The following ATF2 variants were observed in gnomAD, a reference collection of about 807,000 sequenced individuals.
The protein encoded by ATF2 is activating transcription factor 2.
ATF2 carries 24 observed loss-of-function variants against 60.6 expected under a neutral mutation model. The observed-to-expected ratio is 0.40, with a 90% CI of 0.29 to 0.56. The LOEUF (loss-of-function observed/expected upper bound fraction) is 0.56, where lower values mean the gene tolerates loss of function less well. Ranked by LOEUF, ATF2 falls within the 20% of genes least tolerant of loss-of-function variation. ATF2 has a pLI of 0.54. For synonymous variants in ATF2, 206 were observed against 215.4 expected (o/e 0.96, Z 0.38); for missense variants, 433 against 607.7 (o/e 0.71, Z 3.02).
intron 7 of ATF2, among the ~76,000 whole-genome samples, chr2:175,117,633 A>G (rs1559083137): frequency 6.6e-6 from 1 of 151,928 alleles, no homozygotes; most frequent in Non-Finnish European, 1.5e-5. Flanking sequence ...GTAAAAGTCT[A>G]AAAAACCACT....
At chr2:175,138,405 C>T (rs1005165940) in intron 2 of ATF2, among the ~76,000 whole-genome samples, 1 of 152,174 alleles carries the variant, frequency 6.6e-6, no homozygotes, top group African/African-American at 2.4e-5. Context: ...TTTCTTACAA[C>T]CTCAAATTAA....
At chr2:175,141,580 T>A (rs1371820708) in intron 2 of ATF2, among the ~76,000 whole-genome samples, 2 of 151,806 alleles carry the variant, frequency 1.3e-5, no homozygotes, top group African/African-American at 2.4e-5. Context: ...GTAAGCTCCA[T>A]CTCCCGGGTT....
At chr2:175,087,904 AATTACTTGTT>A (rs1694277842) in intron 12 of ATF2, among the ~76,000 whole-genome samples, 1 of 152,162 alleles carries the variant, frequency 6.6e-6, no homozygotes, top group Non-Finnish European at 1.5e-5. Flanking sequence ...CTCACACTTT[AATTACTTGTT>A]TCATGTCTGT....
At chr2:175,121,006 A>G (rs1281338704) in intron 5 of ATF2, among the ~76,000 whole-genome samples, 1 of 151,810 alleles carries the variant, frequency 6.6e-6, no homozygotes, top group Non-Finnish European at 1.5e-5. Flanking sequence ...TTTAGTCTGA[A>G]AAGAAATATA....
chr2:175,142,186 CTTTTTTTTTTTT>C (rs377013083), intron 2 of ATF2, among the ~76,000 whole-genome samples: 1 of 133,030 alleles, frequency 7.5e-6, no homozygotes, highest in South Asian at 2.4e-4. Context: ...GTTTTCTTTT[CTTTTTTTTTTTT>C]TTTTTGAGAC....
At chr2:175,105,826 C>A (rs534920519) in intron 10 of ATF2, among the ~76,000 whole-genome samples, 44 of 151,928 alleles carry the variant, frequency 2.9e-4, no homozygotes, top group Non-Finnish European at 5.3e-4. Context: ...AAATATAAAT[C>A]AATATGAAAA....
At position 175,130,201 on chromosome 2, in the gene ATF2, G is replaced by A. The variant is rs777798988; in HGVS notation, c.39C>T (p.Tyr13=). 6 of 1,580,960 alleles carry A rather than the reference G, an allele frequency of 3.8e-6. No individual in the cohort carries two copies. Among genetic ancestry groups the A allele is most frequent in the Non-Finnish European group, 5.2e-6 (6 of 1,162,640 alleles). ...FKLHVNSARQ[Y]KDLWNMSDDK... is the part of the protein sequence containing the mutation. ...CATCACTCATATTCCACAGGTCCTT[G>A]TATTGCCTATAATCAAACAGAAGAC... is the stretch of plus-strand genomic sequence containing the variant. The change falls in exon 4 of 14, where the codon TAC becomes TAT. Residue 13 remains tyrosine (Y), a synonymous_variant. Coordinates refer to ENST00000264110, the MANE Select transcript of ATF2 (RefSeq NM_001880.4).
intron 1 of ATF2, among the ~76,000 whole-genome samples, chr2:175,160,387 T>C (rs1309423221): frequency 6.6e-6 from 1 of 152,010 alleles, no homozygotes; most frequent in African/African-American, 2.4e-5. Flanking sequence ...TCTCTAAAAA[T>C]GAAATAAAGT....
chr2:175,097,409 G>C (rs1338620244), intron 11 of ATF2, 35 bp downstream of exon 11: 1 of 1,605,330 alleles, frequency 6.2e-7, no homozygotes, highest in African/African-American at 1.3e-5. Context: ...GTTTAAAGAT[G>C]ACAGAGTGCT....
chr2:175,108,171 GC>G (rs1452423479), intron 10 of ATF2, among the ~76,000 whole-genome samples: 1 of 151,510 alleles, frequency 6.6e-6, no homozygotes, highest in East Asian at 2.0e-4. Flanking sequence ...GAGCGCCTCT[GC>G]CCGGCCGCGA....
intron 9 of ATF2, among the ~76,000 whole-genome samples, chr2:175,112,291 T>C (rs1574399528): frequency 6.6e-6 from 1 of 152,146 alleles, no homozygotes; most frequent in Non-Finnish European, 1.5e-5. Flanking sequence ...AAGGCAAGAA[T>C]GTTTCCCTCC....
chr2:175,160,498 A>G (rs1699951979), intron 1 of ATF2, among the ~76,000 whole-genome samples: 1 of 152,242 alleles, frequency 6.6e-6, no homozygotes, highest in Admixed American at 6.5e-5. Context: ...AAAGTGTATT[A>G]CTACAAAAAA....
intron 10 of ATF2, among the ~76,000 whole-genome samples, chr2:175,107,909 G>A (rs1574383226): frequency 6.6e-6 from 1 of 152,304 alleles, no homozygotes; most frequent in East Asian, 1.9e-4. Context: ...CGTGATCTCG[G>A]CTCGCTACAA....
Position 175,078,929 on chromosome 2 carries a change from T to A in ATF2, c.1291+1731A>T, listed in dbSNP as rs3771926. On this transcript the variant is annotated intron_variant, in intron 13 of 13. Transcript: ENST00000264110. ...AAGAGAATTAATTTTATGGTAGAAC[T>A]ATATTTCAGTTAATTTGATTATCTA... Among the ~76,000 whole-genome samples, 19 of 152,282 alleles carry A rather than the reference T, an allele frequency of 1.2e-4. 1 individual carries two copies. In the East Asian group the frequency reaches 3.7e-3, roughly 29 times the overall value.
intron 4 of ATF2, among the ~76,000 whole-genome samples, chr2:175,126,429 A>G (rs1697340047): frequency 6.6e-6 from 1 of 152,226 alleles, no homozygotes; most frequent in African/African-American, 2.4e-5. Flanking sequence ...AATGGAAAAA[A>G]TAAGAGTAAT....
chr2:175,084,777 G>GT (rs1483672554), intron 12 of ATF2, among the ~76,000 whole-genome samples: 1 of 151,780 alleles, frequency 6.6e-6, no homozygotes, highest in Non-Finnish European at 1.5e-5. Flanking sequence ...ACACTGGATT[G>GT]TAACTTTTGG....
chr2:175,108,816 G>A (rs913062405), intron 10 of ATF2, among the ~76,000 whole-genome samples: 4 of 152,200 alleles, frequency 2.6e-5, no homozygotes, highest in South Asian at 2.1e-4. Context: ...ACTTCACTTA[G>A]TTCTGTACTA....
intron 12 of ATF2, among the ~76,000 whole-genome samples, chr2:175,086,676 T>G (rs2105563817): frequency 6.6e-6 from 1 of 152,278 alleles, no homozygotes; most frequent in Admixed American, 6.5e-5. Flanking sequence ...CCCAAAGTGC[T>G]GGAATTACAG....
At chr2:175,131,842 A>G (rs1008986434) in intron 3 of ATF2, among the ~76,000 whole-genome samples, 1 of 152,210 alleles carries the variant, frequency 6.6e-6, no homozygotes, top group African/African-American at 2.4e-5. Flanking sequence ...ATGTACTATC[A>G]ATACTGACCA....
Sources: allele counts gnomAD v4.1 joint callset (sites outside exome capture counted in the v4.1 genomes callset), GRCh38; gene constraint gnomAD v4.1.1; transcripts MANE v1.5; gene names NCBI Gene and HGNC (gene_info 2026-07-23, HGNC 2026-07-21).